P2RY6: variants seen among roughly 807,000 people sequenced by gnomAD.
P2RY6 encodes the protein P2Y purinoceptor 6.
A neutral mutation model predicts 16.3 loss-of-function variants in P2RY6; 19 were observed. The observed-to-expected ratio is 1.16, with a 90% CI of 0.81 to 1.71. The LOEUF (loss-of-function observed/expected upper bound fraction) is 1.71. Ranked by LOEUF, P2RY6 falls within the 40% of genes most tolerant of loss-of-function variation. The pLI is 0.00. For synonymous variants in P2RY6, 184 were observed against 201.5 expected (o/e 0.91, Z 0.74); for missense variants, 389 against 455.5 (o/e 0.85, Z 1.33).
chr11:73,288,413 G>A (rs972311401), intron 1 of P2RY6, among the ~76,000 whole-genome samples: 2 of 152,208 alleles, frequency 1.3e-5, no homozygotes, highest in African/African-American at 4.8e-5. Flanking sequence ...TTTAATTCCT[G>A]TTGAGTGGGA....
chr11:73,283,866 A>AGT (rs2135722679), intron 1 of P2RY6, among the ~76,000 whole-genome samples: 1 of 152,106 alleles, frequency 6.6e-6, no homozygotes, highest in East Asian at 1.9e-4. Flanking sequence ...GGGACTGGGG[A>AGT]GTGGGAAGTG....
chr11:73,270,415 G>T (rs1863251657), upstream of P2RY6, among the ~76,000 whole-genome samples: 1 of 152,108 alleles, frequency 6.6e-6, no homozygotes, highest in African/African-American at 2.4e-5. Flanking sequence ...CCTTTACCAG[G>T]AGCTGACGGG....
rs747727226 is a variant in P2RY6 at position 73,297,068 on chromosome 11, G to T, written c.550G>T (p.Ala184Ser). The T allele has an allele frequency of 1.6e-5, 25 of 1,601,690 alleles. No individual in the cohort carries two copies. Among genetic ancestry groups the T allele is most frequent in the Non-Finnish European group, 2.0e-5 (24 of 1,179,950 alleles). Residue 184 changes from alanine (A) to serine (S), a missense_variant, in exon 3 of 3, where the codon GCC becomes TCC. Coordinates refer to ENST00000540124, the MANE Select transcript of P2RY6 (RefSeq NM_001277204.2). ...RTVCYDLSPP[A>S]LATHYMPYGM... is the part of the protein sequence containing the mutation. Reference sequence around the variant, plus strand: ...TGTCTGCTATGACCTCAGCCCGCCTGCCCTGGCCACCCACTATATGCCCTA... The same window carrying T: ...TGTCTGCTATGACCTCAGCCCGCCTTCCCTGGCCACCCACTATATGCCCTA...
At chr11:73,286,093 A>T (rs1449996265) in intron 1 of P2RY6, among the ~76,000 whole-genome samples, 1 of 152,192 alleles carries the variant, frequency 6.6e-6, no homozygotes, top group East Asian at 1.9e-4. Context: ...CCAGTCAGGG[A>T]GGCTTCAGAG....
At chr11:73,276,614 A>G (rs1320423318) in intron 1 of P2RY6, among the ~76,000 whole-genome samples, 2 of 152,258 alleles carry the variant, frequency 1.3e-5, no homozygotes, top group African/African-American at 2.4e-5. Flanking sequence ...ACACAAAATG[A>G]TACATATTGT....
At chr11:73,285,101 C>G (rs1420451356) in intron 1 of P2RY6, among the ~76,000 whole-genome samples, 2 of 152,158 alleles carry the variant, frequency 1.3e-5, no homozygotes, top group East Asian at 3.9e-4. Context: ...GACAGGGTCT[C>G]GCTCTGTAGC....
intron 1 of P2RY6, among the ~76,000 whole-genome samples, chr11:73,277,116 A>AT (rs11354080): frequency 0.24 from 35,669 of 145,780 alleles, 4,484 homozygotes; most frequent in African/African-American, 0.31. Context: ...AGAAATACAG[A>AT]TTTTTTTTTT....
At chr11:73,292,974 G>A (rs114946377) in intron 1 of P2RY6, 5 of 189,100 alleles carry the variant, frequency 2.6e-5, no homozygotes, top group Non-Finnish European at 4.5e-5. Flanking sequence ...TGCGGGGGGT[G>A]GGGGGGGGAG....
At chr11:73,278,754 T>C (rs1863642994) in intron 1 of P2RY6, among the ~76,000 whole-genome samples, 1 of 152,236 alleles carries the variant, frequency 6.6e-6, no homozygotes, top group Non-Finnish European at 1.5e-5. Context: ...ACATTTTATT[T>C]ATCTATTCAT....
At chr11:73,296,212 G>T (rs1864465708) in intron 2 of P2RY6, among the ~76,000 whole-genome samples, 1 of 81,014 alleles carries the variant, frequency 1.2e-5, no homozygotes. Flanking sequence ...AGTTCACTAG[G>T]AAGGCTGAAG....
intron 1 of P2RY6, among the ~76,000 whole-genome samples, chr11:73,276,680 A>T (rs1306743659): frequency 1.3e-5 from 2 of 152,238 alleles, no homozygotes; most frequent in Non-Finnish European, 2.9e-5. Flanking sequence ...TACAAAAAGG[A>T]GATTCGTAGT....
At position 73,272,489 on chromosome 11, in the gene P2RY6, T is replaced by C. The variant is rs1863354170; in HGVS notation, c.-121+23T>C. 4.1e-6 allele frequency: 4 copies of C among 985,528 alleles called. No individual in the cohort carries two copies. The South Asian group carries it at 1.4e-4, about 35-fold the overall frequency. 61.0% of individuals were successfully genotyped at this position (985,528 alleles called of 1,614,324 possible). A position where few individuals can be genotyped will look rare whatever the true frequency, so the allele number is the denominator to read the frequency against. On this transcript the variant is annotated intron_variant, in intron 1 of 2. Coordinates refer to ENST00000540124, the MANE Select transcript of P2RY6 (RefSeq NM_001277204.2). ...TGGGTGAGTTTTCTGGGTCCATGCC[T>C]GGAAGGGCTTGCGCCCCTCAGCTCC...
At position 73,296,942 on chromosome 11, in the gene P2RY6, CG is replaced by C; in HGVS notation, c.427del (p.Ala143LeufsTer4). 1.2e-6 allele frequency: 2 copies of C among 1,606,050 alleles called. No individual in the cohort carries two copies. Among genetic ancestry groups the C allele is most frequent in the Admixed American group, 1.7e-5 (1 of 60,016 alleles). On this transcript the variant is annotated frameshift_variant, in exon 3 of 3. Transcript: ENST00000540124. LOFTEE classifies it high-confidence loss of function. ...CCCCTGGCACAAACGTGGGGGCCGC[CG>C]GGCTGCCTGGCTAGTGTGTGTAGCC... ...LAPWHKRGGR[R>X]AAWLVCVAVW...
chr11:73,286,785 G>C (rs1001699642), intron 1 of P2RY6, among the ~76,000 whole-genome samples: 2 of 152,074 alleles, frequency 1.3e-5, no homozygotes, highest in Non-Finnish European at 2.9e-5. Flanking sequence ...CCGCCCCTTC[G>C]ACTGGTCTTC....
At chr11:73,267,945 T>C (rs1863159490), upstream of P2RY6, among the ~76,000 whole-genome samples, 1 of 152,254 alleles carries the variant, frequency 6.6e-6, no homozygotes, top group African/African-American at 2.4e-5. Flanking sequence ...ATCTCTTTCC[T>C]GGTTATGAAA....
chr11:73,292,193 G>A (rs533983198), intron 1 of P2RY6, among the ~76,000 whole-genome samples: 7 of 152,392 alleles, frequency 4.6e-5, no homozygotes, highest in South Asian at 2.1e-4. Flanking sequence ...TGCGCCTGCC[G>A]TGTGGAAGGG....
chr11:73,272,827 A>G (rs1863372304), intron 1 of P2RY6, among the ~76,000 whole-genome samples: 1 of 152,118 alleles, frequency 6.6e-6, no homozygotes, highest in South Asian at 2.1e-4. Context: ...TCTGGGCCTC[A>G]ATTTCTTACT....
intron 1 of P2RY6, among the ~76,000 whole-genome samples, chr11:73,288,021 C>T (rs1042316562): frequency 5.3e-5 from 8 of 152,238 alleles, no homozygotes; most frequent in African/African-American, 1.2e-4. Context: ...ACCGGGGCCG[C>T]GTGGTCTCTA....
At chr11:73,290,308 A>G (rs1275591041) in intron 1 of P2RY6, among the ~76,000 whole-genome samples, 3 of 40,106 alleles carry the variant, frequency 7.5e-5, no homozygotes, top group Admixed American at 2.4e-4. Context: ...GAAAGAAAAG[A>G]AAGAAAGAAA....
Sources: allele counts gnomAD v4.1 joint callset (sites outside exome capture counted in the v4.1 genomes callset), GRCh38; gene constraint gnomAD v4.1.1; transcripts MANE v1.5; gene names NCBI Gene and HGNC (gene_info 2026-07-23, HGNC 2026-07-21).